Variants in SNTG1 observed in about 807,000 individuals in gnomAD.
SNTG1 encodes gamma-1-syntrophin.
SNTG1 carries 39 observed loss-of-function variants against 74.7 expected under a neutral mutation model. That is an observed-to-expected ratio of 0.52 (90% CI 0.40 to 0.68). The LOEUF (loss-of-function observed/expected upper bound fraction) is 0.68, where lower values mean the gene tolerates loss of function less well. SNTG1 is among the 30% of genes least tolerant of loss of function. The pLI is 0.00. For synonymous variants in SNTG1, 254 were observed against 217.1 expected (o/e 1.17, Z -1.49); for missense variants, 685 against 609.5 (o/e 1.12, Z -1.30).
At chr8:50,644,947 A>G (rs1444297419) in intron 13 of SNTG1, among the ~76,000 whole-genome samples, 1 of 143,164 alleles carries the variant, frequency 7.0e-6, no homozygotes, top group Non-Finnish European at 1.5e-5. Context: ...CCTACAGATG[A>G]GGTCCGCTAT....
At chr8:50,389,500 TG>T (rs1203617043) in intron 2 of SNTG1, among the ~76,000 whole-genome samples, 11 of 152,334 alleles carry the variant, frequency 7.2e-5, no homozygotes, top group African/African-American at 2.6e-4. Context: ...ATTGTTGGCT[TG>T]GTTCGAAGTC....
At chr8:50,785,720 G>A (rs537228838) in intron 18 of SNTG1, among the ~76,000 whole-genome samples, 7 of 151,658 alleles carry the variant, frequency 4.6e-5, no homozygotes, top group Admixed American at 3.9e-4. Flanking sequence ...TGAAAAGAAA[G>A]CCATAGACCA....
intron 2 of SNTG1, among the ~76,000 whole-genome samples, chr8:50,256,862 T>C (rs371703128): frequency 3.3e-5 from 5 of 152,020 alleles, no homozygotes; most frequent in African/African-American, 1.2e-4. Flanking sequence ...GGAGAATCAT[T>C]TATTCAAGGA....
intron 15 of SNTG1, among the ~76,000 whole-genome samples, chr8:50,691,534 C>G (rs988347183): frequency 1.3e-5 from 2 of 152,144 alleles, no homozygotes; most frequent in African/African-American, 4.8e-5. Flanking sequence ...ATATGAAATT[C>G]TGGGTTGAAA....
chr8:50,695,137 G>A (rs563022112), intron 15 of SNTG1, among the ~76,000 whole-genome samples: 1 of 151,586 alleles, frequency 6.6e-6, no homozygotes, highest in East Asian at 1.9e-4. Context: ...AAAAGAAAAT[G>A]CTAAATTGTC....
intron 8 of SNTG1, among the ~76,000 whole-genome samples, chr8:50,477,284 T>C (rs1373750284): frequency 6.6e-6 from 1 of 152,120 alleles, no homozygotes; most frequent in Non-Finnish European, 1.5e-5. Flanking sequence ...TCAGCAAGTT[T>C]ATCAAGGATA....
In SNTG1 at chr8:50,211,665, C is replaced by A. The variant is rs10086701; in HGVS notation, c.-28+39030C>A. Among the ~76,000 whole-genome samples the A allele has an allele frequency of 8.1e-3, 1,232 of 152,102 alleles. 18 individuals carry two copies. Among genetic ancestry groups the A allele is most frequent in the African/African-American group, 0.028 (1,183 of 41,530 alleles). ...ATGAAACAATTATCAATGAACTGAGCCATAAGATTCCACGTCTTATTTTTT... is the reference window on the plus strand; with the variant it reads ...ATGAAACAATTATCAATGAACTGAGACATAAGATTCCACGTCTTATTTTTT... On this transcript the variant is annotated intron_variant, in intron 2 of 18. Coordinates refer to ENST00000642720, the MANE Select transcript of SNTG1 (RefSeq NM_018967.5).
At chr8:50,542,761 G>A (rs2094357522) in intron 11 of SNTG1, among the ~76,000 whole-genome samples, 1 of 152,018 alleles carries the variant, frequency 6.6e-6, no homozygotes, top group Non-Finnish European at 1.5e-5. Flanking sequence ...ATTTGTTATT[G>A]CCTGTCTTTC....
chr8:50,242,609 A>G (rs2086215849), intron 2 of SNTG1, among the ~76,000 whole-genome samples: 1 of 151,244 alleles, frequency 6.6e-6, no homozygotes, highest in Non-Finnish European at 1.5e-5. Flanking sequence ...ATTGATGTGA[A>G]GCCCCCAAAT....
At chr8:50,687,584 A>T (rs1378307497) in intron 15 of SNTG1, among the ~76,000 whole-genome samples, 3 of 152,206 alleles carry the variant, frequency 2.0e-5, no homozygotes, top group Non-Finnish European at 4.4e-5. Flanking sequence ...TTTTTTTATT[A>T]TTATAATTTA....
At chr8:49,966,854 T>G (rs576927051) in intron 1 of SNTG1, among the ~76,000 whole-genome samples, 2 of 152,362 alleles carry the variant, frequency 1.3e-5, no homozygotes, top group Admixed American at 1.3e-4. Context: ...ATGTGCTACT[T>G]TGTGTATATC....
chr8:49,948,339 G>A (rs1281317315), intron 1 of SNTG1, among the ~76,000 whole-genome samples: 1 of 151,904 alleles, frequency 6.6e-6, no homozygotes, highest in Non-Finnish European at 1.5e-5. Context: ...AATTATCATG[G>A]GTTATTTTAC....
chr8:50,433,656 C>T (rs1171032904), intron 4 of SNTG1, among the ~76,000 whole-genome samples: 2 of 152,056 alleles, frequency 1.3e-5, no homozygotes, highest in South Asian at 2.1e-4. Context: ...TTTCCTACAC[C>T]AGTGGGTTGC....
At chr8:50,249,123 C>A (rs768900587) in intron 2 of SNTG1, among the ~76,000 whole-genome samples, 8 of 152,004 alleles carry the variant, frequency 5.3e-5, no homozygotes, top group Non-Finnish European at 8.8e-5. Context: ...AAGCTGGAGA[C>A]ACTCATTGGT....
chr8:49,935,242 T>C (rs1376741128), intron 1 of SNTG1, among the ~76,000 whole-genome samples: 1 of 143,366 alleles, frequency 7.0e-6, no homozygotes, highest in Non-Finnish European at 1.5e-5. Context: ...TGTGTGTGTT[T>C]GTGTGTGTTA....
chr8:50,238,167 T>G (rs2086000798), intron 2 of SNTG1, among the ~76,000 whole-genome samples: 3 of 152,056 alleles, frequency 2.0e-5, no homozygotes, highest in Non-Finnish European at 4.4e-5. Flanking sequence ...AAACTCAAAA[T>G]GAACCCAAAT....
intron 1 of SNTG1, among the ~76,000 whole-genome samples, chr8:50,101,743 G>T (rs1021337416): frequency 6.7e-6 from 1 of 149,378 alleles, no homozygotes; most frequent in Non-Finnish European, 1.5e-5. Flanking sequence ...AGAGTGTAAT[G>T]TTCCCCTTCC....
chr8:50,254,887 C>A (rs1241655157), intron 2 of SNTG1, among the ~76,000 whole-genome samples: 3 of 149,892 alleles, frequency 2.0e-5, no homozygotes, highest in Non-Finnish European at 4.4e-5. Context: ...AAAGGACAAG[C>A]TGCTGAGTCT....
intron 16 of SNTG1, among the ~76,000 whole-genome samples, chr8:50,705,264 A>G (rs1027772558): frequency 5.9e-5 from 9 of 152,266 alleles, no homozygotes; most frequent in Admixed American, 5.9e-4. Flanking sequence ...CTCCTTCTAC[A>G]ACTATCCTGT....
Sources: allele counts gnomAD v4.1 joint callset (sites outside exome capture counted in the v4.1 genomes callset), GRCh38; gene constraint gnomAD v4.1.1; transcripts MANE v1.5; gene names NCBI Gene and HGNC (gene_info 2026-07-23, HGNC 2026-07-21).